Variants in AAGAB observed in about 807,000 individuals in gnomAD.
The protein encoded by AAGAB is alpha- and gamma-adaptin-binding protein p34.
In AAGAB, 38 loss-of-function variants were observed where a neutral mutation model predicts 44.1. The ratio of observed to expected loss-of-function variants is 0.86; its 90% CI spans 0.67 to 1.13. The LOEUF is 1.13. Ranked by LOEUF, AAGAB falls within the 50% of genes most tolerant of loss-of-function variation. The pLI, the probability that AAGAB is intolerant of heterozygous loss-of-function variation, is 0.00. For missense variants in AAGAB, 450 were observed against 373.8 expected (o/e 1.20, Z -1.68); for synonymous variants, 131 against 131.8 (o/e 0.99, Z 0.04).
intron 4 of AAGAB, among the ~76,000 whole-genome samples, chr15:67,233,698 A>G (rs1212286935): frequency 6.6e-6 from 1 of 152,198 alleles, no homozygotes; most frequent in Admixed American, 6.5e-5. Flanking sequence ...TTCTCACAGA[A>G]AGTGGAAACA....
In AAGAB at chr15:67,201,726, A is replaced by G. The variant is rs1963574629; in HGVS notation, c.*1095T>C. On this transcript the variant is annotated 3_prime_UTR_variant, in exon 10 of 10. Coordinates refer to ENST00000261880, the MANE Select transcript of AAGAB (RefSeq NM_024666.5). Reference sequence around the variant, plus strand: ...AGTACTTTCCACTCTTCCTTTAAAAACTTGCCATTTGCTTATCAGTTCCTC... The same window carrying G: ...AGTACTTTCCACTCTTCCTTTAAAAGCTTGCCATTTGCTTATCAGTTCCTC... 1 of 152,330 alleles carries G rather than the reference A, an allele frequency of 6.6e-6. No individual in the cohort carries two copies. Among genetic ancestry groups the G allele is most frequent in the South Asian group, 2.1e-4 (1 of 4,830 alleles). The allele number at this position is 152,330 out of a possible 1,614,324, so 9.4% of individuals were successfully genotyped here. A position where few individuals can be genotyped will look rare whatever the true frequency, so the allele number is the denominator to read the frequency against.
At chr15:67,234,465 T>C (rs1246136182) in intron 4 of AAGAB, among the ~76,000 whole-genome samples, 1 of 152,170 alleles carries the variant, frequency 6.6e-6, no homozygotes, top group African/African-American at 2.4e-5. Context: ...AGAGGAAAAT[T>C]AATACAAACT....
rs200477258 is a variant in AAGAB at position 67,236,794 on chromosome 15, C to T, written c.100G>A (p.Val34Met). 2.6e-4 allele frequency: 413 copies of T among 1,610,924 alleles called. 1 individual carries two copies. The highest frequency in any genetic ancestry group is 8.3e-4 in the East Asian group (37 of 44,840). ...QHILGTEDLI[V>M]EVTSNDAVRF... ...ACAGCATCATTGGAAGTCACTTCCA[C>T]AATAAGATCTTCTGTTCCAAGGATA... Residue 34 changes from valine (V) to methionine (M), a missense_variant, in exon 2 of 10, where the codon GTG (valine) becomes ATG (methionine). Val to Met is a conservative substitution (Grantham distance 21). Transcript: ENST00000261880.
At chr15:67,246,465 C>T (rs1270525286) in intron 1 of AAGAB, among the ~76,000 whole-genome samples, 1 of 151,886 alleles carries the variant, frequency 6.6e-6, no homozygotes, top group Non-Finnish European at 1.5e-5. Flanking sequence ...AATATTGACT[C>T]CTGAATAAGA....
intron 1 of AAGAB, among the ~76,000 whole-genome samples, chr15:67,239,215 T>C (rs574652448): frequency 1.8e-4 from 28 of 152,296 alleles, no homozygotes; most frequent in African/African-American, 6.5e-4. Flanking sequence ...CTTTCTTTGC[T>C]CCTCGACATG....
intron 1 of AAGAB, among the ~76,000 whole-genome samples, chr15:67,245,467 G>A (rs968455469): frequency 4.6e-5 from 7 of 152,154 alleles, no homozygotes; most frequent in Non-Finnish European, 8.8e-5. Flanking sequence ...GTGGTTTCAC[G>A]GAGCTGAGGA....
At chr15:67,253,912 T>C (rs567909389) in intron 1 of AAGAB, among the ~76,000 whole-genome samples, 4 of 152,220 alleles carry the variant, frequency 2.6e-5, no homozygotes, top group East Asian at 1.9e-4. Context: ...TTTAGTAGAG[T>C]TGGCTTATTA....
intron 5 of AAGAB, among the ~76,000 whole-genome samples, chr15:67,230,285 G>T (rs1964305718): frequency 6.6e-6 from 1 of 152,164 alleles, no homozygotes; most frequent in Admixed American, 6.5e-5. Context: ...GGACTGAATT[G>T]TATCCCCCAC....
At chr15:67,204,529 G>A (rs1022913835) in intron 7 of AAGAB, among the ~76,000 whole-genome samples, 2 of 152,044 alleles carry the variant, frequency 1.3e-5, no homozygotes, top group African/African-American at 4.8e-5. Flanking sequence ...TAAAGTTTAT[G>A]CCATATTTTA....
At chr15:67,215,027 CTT>C (rs1278273074) in intron 5 of AAGAB, among the ~76,000 whole-genome samples, 2 of 152,180 alleles carry the variant, frequency 1.3e-5, no homozygotes, top group Admixed American at 6.5e-5. Context: ...ATCATTCTCT[CTT>C]GTCGGCAGTG....
At chr15:67,254,992 A>T (rs1350913079), upstream of AAGAB, 1 of 1,584,756 alleles carries the variant, frequency 6.3e-7, no homozygotes, top group South Asian at 1.1e-5. Context: ...CAGCCGCGCC[A>T]CTTCCGAGCG....
At chr15:67,222,027 C>T (rs1228045008) in intron 5 of AAGAB, among the ~76,000 whole-genome samples, 1 of 152,118 alleles carries the variant, frequency 6.6e-6, no homozygotes, top group African/African-American at 2.4e-5. Context: ...ACCCAATTAT[C>T]CTTCAACTGC....
chr15:67,229,893 C>A (rs1406176762), intron 5 of AAGAB, among the ~76,000 whole-genome samples: 1 of 152,142 alleles, frequency 6.6e-6, no homozygotes, highest in African/African-American at 2.4e-5. Context: ...TGTCGCCAGA[C>A]TGGAGTGCAG....
rs1267362814 is a variant in AAGAB at position 67,201,473 on chromosome 15, G to C, written c.*1348C>G. 3.9e-5 allele frequency: 6 copies of C among 152,300 alleles called. No individual in the cohort carries two copies. Among genetic ancestry groups the C allele is most frequent in the Non-Finnish European group, 7.3e-5 (5 of 68,110 alleles). The allele number at this position is 152,300 out of a possible 1,614,324, so 9.4% of individuals were successfully genotyped here. On this transcript the variant is annotated 3_prime_UTR_variant, in exon 10 of 10. Transcript: ENST00000261880. ...TGCAGTGCTTATAAGGTAGTGTCTG[G>C]AGGGGTGTGAGCCTTATTTCTTTCT...
Position 67,202,910 on chromosome 15 carries a change from A to T in AAGAB, c.871-12T>A. 6.2e-7 allele frequency: 1 copy of T among 1,613,804 alleles called. No homozygotes were observed. Among genetic ancestry groups the T allele is most frequent in the South Asian group, 1.1e-5 (1 of 91,074 alleles). On this transcript the variant is annotated splice_polypyrimidine_tract_variant and intron_variant, in intron 9 of 9. Transcript: ENST00000261880. ...AATGCTTTGGCCACCTGTGGAGAGA[A>T]GCATGCAACAAATTTTAGGCAACAG... is the stretch of plus-strand genomic sequence containing the variant.
chr15:67,223,935 C>T (rs931527225), intron 5 of AAGAB, among the ~76,000 whole-genome samples: 2 of 152,206 alleles, frequency 1.3e-5, no homozygotes, highest in South Asian at 4.1e-4. Flanking sequence ...CAGATATCCA[C>T]ATGGTGAAAC....
intron 1 of AAGAB, among the ~76,000 whole-genome samples, chr15:67,250,811 G>C (rs971943560): frequency 2.0e-5 from 3 of 152,120 alleles, no homozygotes; most frequent in Non-Finnish European, 4.4e-5. Context: ...CAGATCACGA[G>C]GTCAAGAGAT....
intron 5 of AAGAB, among the ~76,000 whole-genome samples, chr15:67,223,665 GC>G (rs1480229113): frequency 1.3e-5 from 2 of 152,142 alleles, no homozygotes; most frequent in Non-Finnish European, 2.9e-5. Context: ...CCACAGAGCA[GC>G]CAGAGTGATC....
chr15:67,206,173 T>G (rs1205041412), intron 7 of AAGAB, among the ~76,000 whole-genome samples: 1 of 152,258 alleles, frequency 6.6e-6, no homozygotes, highest in African/African-American at 2.4e-5. Flanking sequence ...GTATGTCAGT[T>G]ATTTTGTATA....
Sources: allele counts gnomAD v4.1 joint callset (sites outside exome capture counted in the v4.1 genomes callset), GRCh38; gene constraint gnomAD v4.1.1; transcripts MANE v1.5; gene names NCBI Gene and HGNC (gene_info 2026-07-23, HGNC 2026-07-21).